CLEC6A: variants seen among roughly 807,000 people sequenced by gnomAD.
CLEC6A encodes C-type lectin domain containing 6A.
Under a neutral mutation model 25.7 loss-of-function variants are expected in CLEC6A, and 22 were observed. The ratio of observed to expected loss-of-function variants is 0.85; its 90% CI spans 0.61 to 1.22. CLEC6A has a LOEUF of 1.22. Ranked by LOEUF, CLEC6A falls within the 50% of genes most tolerant of loss-of-function variation. The pLI is 0.00. For missense variants in CLEC6A, 240 were observed against 236.8 expected (o/e 1.01, Z -0.09); for synonymous variants, 92 against 76.7 (o/e 1.20, Z -1.04).
In CLEC6A at chr12:8,459,388, G is replaced by A. The variant is rs117003982; in HGVS notation, c.122-209G>A. On this transcript the variant is annotated intron_variant, in intron 2 of 5. Coordinates refer to ENST00000382073, the MANE Select transcript of CLEC6A (RefSeq NM_001007033.2). ...AGAGCATGGAGCCTAAATTCTAGTG[G>A]TGAAAAGACCAAAAAATTAAATGAG... Among the ~76,000 whole-genome samples, 1,291 of 152,114 alleles carry A rather than the reference G, an allele frequency of 8.5e-3. 11 individuals carry two copies. The highest frequency in any genetic ancestry group is 0.017 in the Middle Eastern group (5 of 294).
chr12:8,469,941 A>T (rs1401471849), intron 4 of CLEC6A, among the ~76,000 whole-genome samples: 1 of 152,196 alleles, frequency 6.6e-6, no homozygotes, highest in African/African-American at 2.4e-5. Context: ...GCTGAGACTT[A>T]ATTAAACTAA....
chr12:8,455,999 C>T lies in CLEC6A; in HGVS notation c.-113C>T. 1 of 880,896 alleles carries T rather than the reference C, an allele frequency of 1.1e-6. No individual in the cohort carries two copies. Among genetic ancestry groups the T allele is most frequent in the Admixed American group, 1.9e-5 (1 of 51,936 alleles). 54.6% of individuals were successfully genotyped at this position (880,896 alleles called of 1,614,324 possible). On this transcript the variant is annotated 5_prime_UTR_variant, in exon 1 of 6. Coordinates refer to ENST00000382073, the MANE Select transcript of CLEC6A (RefSeq NM_001007033.2). ...CTCTTAGTCCTATAAGAGTGTGTAGCAGTTTGTCCCTGAGCTCTAGCTTCT... is the reference window on the plus strand; with the variant it reads ...CTCTTAGTCCTATAAGAGTGTGTAGTAGTTTGTCCCTGAGCTCTAGCTTCT...
chr12:8,477,037 A>T (rs1939983652), intron 5 of CLEC6A, among the ~76,000 whole-genome samples: 1 of 152,108 alleles, frequency 6.6e-6, no homozygotes, highest in Non-Finnish European at 1.5e-5. Flanking sequence ...ATTATTTAAT[A>T]ACCCCGCCAG....
chr12:8,461,365 C>T (rs1939751175), intron 3 of CLEC6A: 1 of 399,830 alleles, frequency 2.5e-6, no homozygotes, highest in African/African-American at 2.0e-5. Flanking sequence ...AACACTGTTT[C>T]AACAACTAGC....
intron 3 of CLEC6A, 89 bp from the exon 4 acceptor site, chr12:8,465,394 AG>A (rs1267490373): frequency 3.2e-6 from 4 of 1,267,802 alleles, no homozygotes; most frequent in Non-Finnish European, 4.4e-6. Context: ...ACGTGAATTA[AG>A]AAACTGTCTC....
At position 8,477,501 on chromosome 12, in the gene CLEC6A, A is replaced by G. The variant is rs1432966785; in HGVS notation, c.*37A>G. On this transcript the variant is annotated 3_prime_UTR_variant, in exon 6 of 6. Transcript: ENST00000382073. ...ATTGGAAAGAAGAGAAGAATTACTGACGTAATTTTTTCCCTGACGTCTTTA... is the reference window on the plus strand; with the variant it reads ...ATTGGAAAGAAGAGAAGAATTACTGGCGTAATTTTTTCCCTGACGTCTTTA... The G allele has an allele frequency of 6.5e-7, 1 of 1,527,240 alleles. No homozygotes were observed. The highest frequency in any genetic ancestry group is 8.8e-7 in the Non-Finnish European group (1 of 1,131,690). The allele number at this position is 1,527,240 out of a possible 1,614,324, so 94.6% of individuals were successfully genotyped here.
rs766767003 is a variant in CLEC6A, at chr12:8,477,408, G to A, written c.574G>A (p.Val192Ile). ...ACCTACAGGATGGGGCTGGAATGATGTTATCTGTGAAACTAGAAGGAATTC... is the reference window on the plus strand; with the variant it reads ...ACCTACAGGATGGGGCTGGAATGATATTATCTGTGAAACTAGAAGGAATTC... Reference protein sequence around the residue: ...WKPTGWGWNDVICETRRNSIC... With the variant: ...WKPTGWGWNDIICETRRNSIC... Residue 192 changes from valine to isoleucine, a missense_variant, in exon 6 of 6, where the codon GTT (valine) becomes ATT (isoleucine). Physicochemically the swap from Val to Ile is conservative, Grantham distance 29. Transcript: ENST00000382073. The A allele has an allele frequency of 6.2e-7, 1 of 1,611,686 alleles. No individual in the cohort carries two copies. Among genetic ancestry groups the A allele is most frequent in the Non-Finnish European group, 8.5e-7 (1 of 1,178,456 alleles).
intron 4 of CLEC6A, among the ~76,000 whole-genome samples, chr12:8,468,287 G>C (rs371142619): frequency 3.3e-5 from 5 of 152,118 alleles, no homozygotes; most frequent in African/African-American, 1.2e-4. Flanking sequence ...TTTCTTTTTA[G>C]ATTGTTTATT....
chr12:8,457,000 C>T (rs1408369227), intron 1 of CLEC6A, among the ~76,000 whole-genome samples: 1 of 151,860 alleles, frequency 6.6e-6, no homozygotes, highest in Non-Finnish European at 1.5e-5. Context: ...ATCCTAGCCA[C>T]TCAGGAGGCT....
At chr12:8,459,454 T>A in intron 2 of CLEC6A, 143 bp from the exon 3 acceptor site, 1 of 559,762 alleles carries the variant, frequency 1.8e-6, no homozygotes, top group Non-Finnish European at 3.3e-6. Context: ...TACAAGCAAA[T>A]AATAATTTGG....
chr12:8,466,036 T>C (rs1357726441), intron 4 of CLEC6A, among the ~76,000 whole-genome samples: 3 of 152,242 alleles, frequency 2.0e-5, no homozygotes, highest in Non-Finnish European at 4.4e-5. Context: ...TGTATGTGTA[T>C]CTAACACTTG....
rs1398760226 is a variant in CLEC6A, at chr12:8,462,234, G to A, written c.223+2536G>A. On this transcript the variant is annotated intron_variant, in intron 3 of 5. Coordinates refer to ENST00000382073, the MANE Select transcript of CLEC6A (RefSeq NM_001007033.2). Reference sequence around the variant, plus strand: ...AGGGACACAAACACTGCGGAAGGCCGCAGGGACCTCTGCCTAGGAAAGCCA... The same window carrying A: ...AGGGACACAAACACTGCGGAAGGCCACAGGGACCTCTGCCTAGGAAAGCCA... Among the ~76,000 whole-genome samples the A allele has an allele frequency of 5.5e-4, 80 of 145,816 alleles. No homozygotes were observed. The Middle Eastern group carries it at 0.014, about 25-fold the overall frequency.
chr12:8,466,860 G>C (rs1207867510), intron 4 of CLEC6A, among the ~76,000 whole-genome samples: 2 of 152,108 alleles, frequency 1.3e-5, no homozygotes, highest in Non-Finnish European at 2.9e-5. Context: ...CACCATCTTG[G>C]TCAGGCTGGT....
chr12:8,460,729 A>T lies in CLEC6A; in HGVS notation c.223+1031A>T, dbSNP rs746910320. ...GTACCGCCAGCTCTCTGCTCTCCAC[A>T]GGGCTCCCCACCCCACCTGGCCTGA... On this transcript the variant is annotated intron_variant, in intron 3 of 5. Transcript: ENST00000382073. The T allele has an allele frequency of 3.4e-6, 5 of 1,460,924 alleles. No homozygotes were observed. In the African/African-American group the frequency reaches 5.6e-5, roughly 16 times the overall value. 90.5% of individuals were successfully genotyped at this position (1,460,924 alleles called of 1,614,324 possible).
chr12:8,456,342 T>G (rs1052710437), intron 1 of CLEC6A, among the ~76,000 whole-genome samples, 200 bp downstream of exon 1: 6 of 152,178 alleles, frequency 3.9e-5, no homozygotes, highest in African/African-American at 9.7e-5. Flanking sequence ...AAATATTTTT[T>G]GGGAGGTTTG....
intron 3 of CLEC6A, among the ~76,000 whole-genome samples, chr12:8,462,859 G>A (rs781071710): frequency 1.2e-4 from 18 of 151,940 alleles, no homozygotes; most frequent in East Asian, 1.9e-4. Context: ...TCCACCTAAC[G>A]AGAAACACCC....
intron 3 of CLEC6A, chr12:8,460,839 A>T (rs551841636): frequency 1.0e-6 from 1 of 983,184 alleles, no homozygotes; most frequent in South Asian, 1.3e-5. Flanking sequence ...AAAAACGCCC[A>T]GTTCCTAAGG....
At chr12:8,476,879 C>G (rs1316378283) in intron 5 of CLEC6A, among the ~76,000 whole-genome samples, 2 of 152,094 alleles carry the variant, frequency 1.3e-5, no homozygotes, top group Admixed American at 1.3e-4. Context: ...GAACGTATTC[C>G]CTGGAGGCAG....
intron 1 of CLEC6A, 37 bp downstream of exon 1, chr12:8,456,179 G>C (rs201006489): frequency 6.2e-7 from 1 of 1,607,046 alleles, no homozygotes; most frequent in South Asian, 1.1e-5. Flanking sequence ...AAGTGGAAGT[G>C]TATGGTGAAA....
Sources: allele counts gnomAD v4.1 joint callset (sites outside exome capture counted in the v4.1 genomes callset), GRCh38; gene constraint gnomAD v4.1.1; transcripts MANE v1.5; gene names NCBI Gene and HGNC (gene_info 2026-07-23, HGNC 2026-07-21).